The following SEMA6A variants were observed in gnomAD, a reference collection of about 807,000 sequenced individuals.
The protein encoded by SEMA6A is semaphorin 6A.
Under a neutral mutation model 96.8 loss-of-function variants are expected in SEMA6A, and 25 were observed. The observed-to-expected ratio is 0.26, with a 90% confidence interval of 0.19 to 0.36. SEMA6A has a LOEUF of 0.36. Ranked by LOEUF, SEMA6A falls within the 10% of genes least tolerant of loss-of-function variation. SEMA6A has a pLI of 1.00. For synonymous variants in SEMA6A, 612 were observed against 518.0 expected (o/e 1.18, Z -2.46); for missense variants, 1,363 against 1,323.1 (o/e 1.03, Z -0.47).
At position 116,449,240 on chromosome 5, in the gene SEMA6A, A is replaced by T. The variant is rs546078610; in HGVS notation, c.1895-1429T>A. ...CTGGAGAGTGAAAGAACATGAATAC[A>T]TTAGAGGCACTGCATGGGCTGAGGA... On this transcript the variant is annotated intron_variant, in intron 18 of 18. Transcript: ENST00000343348. The T allele has an allele frequency of 1.9e-5, 13 of 697,612 alleles. No homozygotes were observed. The African/African-American group carries it at 1.9e-4, about 10-fold the overall frequency. The allele number at this position is 697,612 out of a possible 1,614,324, so 43.2% of individuals were successfully genotyped here. A position where few individuals can be genotyped will look rare whatever the true frequency, so the allele number is the denominator to read the frequency against.
At chr5:116,486,562 C>A in intron 10 of SEMA6A, 187 bp downstream of exon 10, 1 of 557,916 alleles carries the variant, frequency 1.8e-6, no homozygotes, top group Non-Finnish European at 3.2e-6. Flanking sequence ...TCCCCTAAAA[C>A]CTAACTTAAT....
rs375581401 is a variant in SEMA6A at position 116,477,445 on chromosome 5, C to T, written c.1649+401G>A. Among the ~76,000 whole-genome samples the T allele has an allele frequency of 3.3e-4, 51 of 152,330 alleles. 2 individuals carry two copies. In the South Asian group the frequency reaches 0.011, roughly 32 times the overall value. On this transcript the variant is annotated intron_variant, in intron 15 of 18. Coordinates refer to ENST00000343348, the MANE Select transcript of SEMA6A (RefSeq NM_020796.5). ...CAAATGTTCTGCAATTTCTTCTCAG[C>T]CCTGCACAGTCAATTACAAAAGCCG...
chr5:116,509,929 C>T (rs1758331465), intron 1 of SEMA6A, among the ~76,000 whole-genome samples: 2 of 151,810 alleles, frequency 1.3e-5, no homozygotes, highest in East Asian at 3.9e-4. Context: ...GGGAACAGGG[C>T]TCATTTTTCC....
intron 1 of SEMA6A, among the ~76,000 whole-genome samples, chr5:116,562,137 A>G (rs911309108): frequency 6.6e-6 from 1 of 152,238 alleles, no homozygotes; most frequent in African/African-American, 2.4e-5. Context: ...AGTCAGACAC[A>G]TACTCTAAAA....
intron 1 of SEMA6A, chr5:116,562,521 C>G: frequency 2.0e-6 from 1 of 512,410 alleles, no homozygotes; most frequent in African/African-American, 2.0e-5. Flanking sequence ...AAAAATAAGG[C>G]CCACTCTTTC....
intron 17 of SEMA6A, among the ~76,000 whole-genome samples, chr5:116,470,493 T>C (rs1756058025): frequency 6.6e-6 from 1 of 152,236 alleles, no homozygotes; most frequent in Non-Finnish European, 1.5e-5. Context: ...ATATTGTTTC[T>C]CTATATCTAC....
intron 1 of SEMA6A, among the ~76,000 whole-genome samples, chr5:116,542,845 T>TCA (rs996723825): frequency 2.6e-5 from 4 of 152,150 alleles, no homozygotes; most frequent in Admixed American, 6.5e-5. Flanking sequence ...TCTGTTTGCT[T>TCA]CACTTCCCCG....
intron 1 of SEMA6A, among the ~76,000 whole-genome samples, chr5:116,546,720 C>T (rs994957123): frequency 2.6e-5 from 4 of 152,214 alleles, no homozygotes; most frequent in African/African-American, 2.4e-5. Context: ...AAAGCCCCCA[C>T]ACTCATTACA....
At chr5:116,468,039 G>A in intron 17 of SEMA6A, 1 of 372,580 alleles carries the variant, frequency 2.7e-6, no homozygotes, top group Admixed American at 4.2e-5. Context: ...GCACCCAGTG[G>A]GGATAAAGAT....
chr5:116,494,648 C>T (rs1313752884), intron 6 of SEMA6A, among the ~76,000 whole-genome samples: 1 of 152,194 alleles, frequency 6.6e-6, no homozygotes, highest in African/African-American at 2.4e-5. Flanking sequence ...CTTCTCCCTG[C>T]CTGGCTTCCC....
At chr5:116,508,203 T>C (rs1758239417) in intron 1 of SEMA6A, 1 of 152,192 alleles carries the variant, frequency 6.6e-6, no homozygotes, top group Middle Eastern at 3.2e-3. Context: ...CCAAAAGGAC[T>C]GTCTGAAAAC....
intron 1 of SEMA6A, among the ~76,000 whole-genome samples, chr5:116,547,588 T>C (rs1357905683): frequency 6.6e-6 from 1 of 152,008 alleles, no homozygotes; most frequent in Non-Finnish European, 1.5e-5. Flanking sequence ...GGCCTTTGTT[T>C]TATCTATTAA....
chr5:116,562,896 A>G (rs1760875846), intron 1 of SEMA6A: 1 of 617,840 alleles, frequency 1.6e-6, no homozygotes, highest in Non-Finnish European at 3.1e-6. Context: ...CCTGGGGCCC[A>G]GTCGGCCCTC....
At chr5:116,451,167 C>T (rs1231326034) in intron 18 of SEMA6A, among the ~76,000 whole-genome samples, 1 of 152,140 alleles carries the variant, frequency 6.6e-6, no homozygotes, top group East Asian at 1.9e-4. Flanking sequence ...CCTAATCTTA[C>T]TGCCTTACTG....
intron 6 of SEMA6A, among the ~76,000 whole-genome samples, chr5:116,495,138 G>A (rs1236314561): frequency 6.6e-6 from 1 of 152,228 alleles, no homozygotes; most frequent in East Asian, 1.9e-4. Flanking sequence ...GGTGTACGTG[G>A]TAAGTATGTC....
At chr5:116,531,010 A>C (rs1759444843) in intron 1 of SEMA6A, among the ~76,000 whole-genome samples, 1 of 152,142 alleles carries the variant, frequency 6.6e-6, no homozygotes, top group Admixed American at 6.6e-5. Context: ...CCTGCTAACT[A>C]GTAAGTTGGG....
chr5:116,507,149 C>G (rs780428748), intron 1 of SEMA6A, among the ~76,000 whole-genome samples: 3 of 152,150 alleles, frequency 2.0e-5, no homozygotes, highest in South Asian at 2.1e-4. Flanking sequence ...CAGCAGGGCT[C>G]TCTGCCAGGA....
chr5:116,476,687 C>T (rs1258877032), intron 15 of SEMA6A, among the ~76,000 whole-genome samples: 3 of 152,170 alleles, frequency 2.0e-5, no homozygotes, highest in Non-Finnish European at 2.9e-5. Flanking sequence ...TTATAGCCTT[C>T]GGTCACATGT....
chr5:116,501,851 C>A (rs548901984), intron 3 of SEMA6A, among the ~76,000 whole-genome samples: 1 of 152,170 alleles, frequency 6.6e-6, no homozygotes, highest in Admixed American at 6.5e-5. Context: ...TGCACCACTG[C>A]ACTCCAGCCT....
Sources: gnomAD v4.1 joint callset for allele counts (sites outside exome capture counted in the v4.1 genomes callset) on GRCh38, gnomAD v4.1.1 for gene constraint, MANE v1.5 for transcripts, NCBI Gene and HGNC (gene_info 2026-07-23, HGNC 2026-07-21) for gene names.